Variants in USP34 observed in about 807,000 individuals in gnomAD.
The protein encoded by USP34 is ubiquitin carboxyl-terminal hydrolase 34.
A neutral mutation model predicts 460.3 loss-of-function variants in USP34; 70 were observed. The observed-to-expected ratio is 0.15, with a 90% confidence interval of 0.13 to 0.19. The LOEUF (loss-of-function observed/expected upper bound fraction) is 0.19. Ranked by LOEUF, USP34 falls within the 10% of genes least tolerant of loss-of-function variation. The pLI is 1.00. For synonymous variants in USP34, 1,647 were observed against 1,405.3 expected, an observed-to-expected ratio of 1.17 and a Z score of -3.85; for missense variants, 3,985 against 4,236.2, an observed-to-expected ratio of 0.94 and a Z score of 1.65.
chr2:61,340,961 C>T (rs1003564246), intron 16 of USP34, among the ~76,000 whole-genome samples: 15 of 151,448 alleles, frequency 9.9e-5, no homozygotes, highest in African/African-American at 3.6e-4. Flanking sequence ...GTTTCTATCA[C>T]CCTAGGAAGT....
intron 10 of USP34, among the ~76,000 whole-genome samples, chr2:61,356,784 G>C (rs1692121786): frequency 6.6e-6 from 1 of 152,148 alleles, no homozygotes; most frequent in Admixed American, 6.5e-5. Flanking sequence ...ATAAGTTCTA[G>C]AGATCTATTG....
intron 16 of USP34, among the ~76,000 whole-genome samples, chr2:61,343,362 C>A (rs965664436): frequency 6.6e-6 from 1 of 152,086 alleles, no homozygotes; most frequent in Non-Finnish European, 1.5e-5. Context: ...ACACTCGCCC[C>A]TCCTTATTCC....
In USP34 at chr2:61,221,577, A is replaced by G. The variant is rs750579492; in HGVS notation, c.7824T>C (p.Thr2608=). The G allele has an allele frequency of 6.2e-7, 1 of 1,614,122 alleles. No homozygotes were observed. The highest frequency in any genetic ancestry group is 8.5e-7 in the Non-Finnish European group (1 of 1,179,956). ...GTCCACCAGCAAACTCCATTAGCAT[A>G]GTCAACAACTTAAAGAAAGGATTGG... ...EAANPFFKLL[T]MLMEFAGGPP... Residue 2608 remains threonine, a synonymous_variant, in exon 66 of 80, where the codon ACT becomes ACC. Transcript: ENST00000398571.
intron 10 of USP34, among the ~76,000 whole-genome samples, chr2:61,365,889 T>C (rs1165803523): frequency 1.3e-5 from 2 of 152,088 alleles, no homozygotes; most frequent in Admixed American, 1.3e-4. Flanking sequence ...AAATTAAAGT[T>C]CCCATCAGAC....
Position 61,204,545 on chromosome 2 carries a change from G to A in USP34, c.9211C>T (p.Pro3071Ser). 6.2e-7 allele frequency: 1 copy of A among 1,614,108 alleles called. No homozygotes were observed. The highest frequency in any genetic ancestry group is 2.2e-5 in the East Asian group (1 of 44,868). ...GTACAATGGTTGTGTTGTAGAAAGGGAACCAGAGTATGAAGAAAATCATGG... is the reference window on the plus strand; with the variant it reads ...GTACAATGGTTGTGTTGTAGAAAGGAAACCAGAGTATGAAGAAAATCATGG... Reference protein sequence around the residue: ...SPHDFLHTLVPFLQHNHCTYH... With the variant: ...SPHDFLHTLVSFLQHNHCTYH... The change falls in exon 73 of 80, where the codon CCC (proline) becomes TCC (serine). Residue 3071 changes from proline (P) to serine (S), a missense_variant. Pro to Ser is a moderately conservative substitution (Grantham distance 74, BLOSUM62 -1). Around this residue, in one of 14 missense-constraint regions of USP34, gnomAD observed 275 missense variants for 292.7 expected, o/e 0.94. Transcript: ENST00000398571.
At chr2:61,219,325 A>T (rs983807023) in intron 67 of USP34, among the ~76,000 whole-genome samples, 9 of 152,150 alleles carry the variant, frequency 5.9e-5, no homozygotes, top group African/African-American at 2.2e-4. Context: ...CCCTAAAATC[A>T]GTGATTTCTC....
At chr2:61,282,836 C>T (rs970397132) in intron 37 of USP34, among the ~76,000 whole-genome samples, 9 of 151,704 alleles carry the variant, frequency 5.9e-5, no homozygotes, top group Admixed American at 1.3e-4. Flanking sequence ...TTTTCTAAAA[C>T]ATAAATTACC....
chr2:61,348,045 C>A lies in USP34; in HGVS notation c.2110G>T (p.Asp704Tyr), dbSNP rs754570547. The change falls in exon 15 of 80, where the codon GAT becomes TAT. Residue 704 changes from aspartate to tyrosine, a missense_variant. Asp to Tyr is a radical substitution (Grantham distance 160, BLOSUM62 -3). Around this residue, in one of 14 missense-constraint regions of USP34, gnomAD observed 716 missense variants for 626.2 expected, o/e 1.14. Coordinates refer to ENST00000398571, the MANE Select transcript of USP34 (RefSeq NM_014709.4). ...GTAGCATTCATTTCCCCTGAAATATCATGTTCTGGGTCTTCAGAGTGTGAA... is the reference window on the plus strand; with the variant it reads ...GTAGCATTCATTTCCCCTGAAATATAATGTTCTGGGTCTTCAGAGTGTGAA... ...ACSHSEDPEH[D>Y]ISGEMNATHI... is the part of the protein sequence containing the mutation. The A allele has an allele frequency of 5.6e-6, 9 of 1,614,068 alleles. No individual in the cohort carries two copies. Among genetic ancestry groups the A allele is most frequent in the African/African-American group, 1.3e-5 (1 of 74,930 alleles).
chr2:61,257,367 G>T lies in USP34; in HGVS notation c.5845-17C>A. The T allele has an allele frequency of 6.4e-7, 1 of 1,551,420 alleles. No individual in the cohort carries two copies. Among genetic ancestry groups the T allele is most frequent in the Non-Finnish European group, 8.7e-7 (1 of 1,153,104 alleles). ...TTCACTCTCCTGCAAATAAAAAGGG[G>T]AACATTCTAAGTGTCAGATAAAAAT... On this transcript the variant is annotated splice_polypyrimidine_tract_variant and intron_variant, in intron 44 of 79. Coordinates refer to ENST00000398571, the MANE Select transcript of USP34 (RefSeq NM_014709.4).
rs776261002 is a variant in USP34 at position 61,265,553 on chromosome 2, A to G, written c.5622T>C (p.His1874=). Residue 1874 remains histidine (H), a synonymous_variant, in exon 43 of 80, where the codon CAT becomes CAC. Coordinates refer to ENST00000398571, the MANE Select transcript of USP34 (RefSeq NM_014709.4). ...NWVMAQHMQS[H]APYKWDYWPH... ...GCCAGTAATCCCATTTATAAGGTGC[A>G]TGGGCTGCTGAAGAAAGAGGGAGGA... is the stretch of plus-strand genomic sequence containing the variant. The G allele has an allele frequency of 1.9e-5, 30 of 1,591,006 alleles. 1 individual carries two copies. In the Admixed American group the frequency reaches 3.3e-4, roughly 17 times the overall value.
chr2:61,428,813 T>C (rs1254529327), intron 1 of USP34, among the ~76,000 whole-genome samples: 1 of 152,104 alleles, frequency 6.6e-6, no homozygotes, highest in African/African-American at 2.4e-5. Context: ...GAAGTGAGGT[T>C]TGAAAATAAA....
intron 53 of USP34, among the ~76,000 whole-genome samples, chr2:61,239,838 T>C (rs1363264470): frequency 6.6e-6 from 1 of 151,886 alleles, no homozygotes; most frequent in Admixed American, 6.6e-5. Context: ...GAAACCCCTC[T>C]CTACTAAAAA....
intron 1 of USP34, among the ~76,000 whole-genome samples, chr2:61,467,503 A>T (rs1474723101): frequency 6.6e-6 from 1 of 151,882 alleles, no homozygotes; most frequent in Non-Finnish European, 1.5e-5. Flanking sequence ...TGACCTGGAA[A>T]CACACCACCC....
chr2:61,189,277 GT>G (rs1471894774), intron 78 of USP34: 41 of 512,558 alleles, frequency 8.0e-5, no homozygotes, highest in Middle Eastern at 5.4e-4. Flanking sequence ...TTTTTGTTTT[GT>G]TTTTGTTTTT....
intron 10 of USP34, among the ~76,000 whole-genome samples, chr2:61,353,765 TAGTAAG>T (rs1692024813): frequency 6.6e-6 from 1 of 151,938 alleles, no homozygotes; most frequent in East Asian, 1.9e-4. Context: ...ATCTCAAAGA[TAGTAAG>T]AGTAAAGACA....
intron 49 of USP34, among the ~76,000 whole-genome samples, chr2:61,247,451 G>C (rs1022712334): frequency 6.6e-6 from 1 of 152,138 alleles, no homozygotes; most frequent in African/African-American, 2.4e-5. Flanking sequence ...CATAAATTCT[G>C]CTCTCTCCAC....
chr2:61,405,357 T>C (rs911818321), intron 3 of USP34, among the ~76,000 whole-genome samples: 1 of 152,156 alleles, frequency 6.6e-6, no homozygotes, highest in African/African-American at 2.4e-5. Flanking sequence ...AATTCTGATC[T>C]GTAGACTGTT....
At chr2:61,424,434 T>A (rs1694450680) in intron 1 of USP34, among the ~76,000 whole-genome samples, 1 of 152,192 alleles carries the variant, frequency 6.6e-6, no homozygotes, top group Admixed American at 6.5e-5. Context: ...TCAACTGGTA[T>A]GAGGTATTTA....
At chr2:61,441,744 T>C (rs2104026038) in intron 1 of USP34, among the ~76,000 whole-genome samples, 1 of 137,768 alleles carries the variant, frequency 7.3e-6, no homozygotes, top group East Asian at 2.1e-4. Context: ...AAGGCTGCAG[T>C]GAGCTGTGAT....
Sources: gnomAD v4.1 joint callset for allele counts (sites outside exome capture counted in the v4.1 genomes callset) on GRCh38, gnomAD v4.1.1 for gene constraint, gnomAD v4.1.1 regional missense constraint, MANE v1.5 for transcripts, NCBI Gene and HGNC (gene_info 2026-07-23, HGNC 2026-07-21) for gene names.